The following CUL2 variants were observed in gnomAD, a reference collection of about 807,000 sequenced individuals.
The protein encoded by CUL2 is cullin-2.
In CUL2, 22 loss-of-function variants were observed where a neutral mutation model predicts 110.2. The ratio of observed to expected loss-of-function variants is 0.20; its 90% CI spans 0.14 to 0.28. The LOEUF (loss-of-function observed/expected upper bound fraction) is 0.28, where lower values mean the gene tolerates loss of function less well. Ranked by LOEUF, CUL2 falls within the 10% of genes least tolerant of loss-of-function variation. CUL2 has a pLI of 1.00. For synonymous variants in CUL2, 279 were observed against 293.2 expected (o/e 0.95, Z 0.49); for missense variants, 631 against 905.5 (o/e 0.70, Z 3.89).
intron 14 of CUL2, among the ~76,000 whole-genome samples, chr10:35,029,900 T>C (rs1039478078): frequency 6.6e-6 from 1 of 152,222 alleles, no homozygotes; most frequent in African/African-American, 2.4e-5. Flanking sequence ...AAACAAAAAC[T>C]TTTTTATACA....
chr10:35,092,803 G>C (rs1447203150), upstream of CUL2, among the ~76,000 whole-genome samples: 2 of 152,136 alleles, frequency 1.3e-5, no homozygotes, highest in Non-Finnish European at 2.9e-5. Context: ...CTTGCTTAGG[G>C]ATGAAAAACC....
At chr10:35,107,655 G>A (rs1400305378) in intron 1 of CUL2, among the ~76,000 whole-genome samples, 1 of 151,794 alleles carries the variant, frequency 6.6e-6, no homozygotes, top group African/African-American at 2.4e-5. Flanking sequence ...GGCCGAGGCG[G>A]GTGAATCACG....
chr10:35,122,110 T>C (rs1264390236), intron 1 of CUL2, among the ~76,000 whole-genome samples: 1 of 152,210 alleles, frequency 6.6e-6, no homozygotes, highest in Non-Finnish European at 1.5e-5. Flanking sequence ...CAAGCACATA[T>C]TATACTTACT....
intron 1 of CUL2, among the ~76,000 whole-genome samples, chr10:35,083,011 A>G (rs2086978338): frequency 6.6e-6 from 1 of 151,956 alleles, no homozygotes; most frequent in Non-Finnish European, 1.5e-5. Flanking sequence ...TACAAAAATT[A>G]GTCGGTGTGG....
chr10:35,111,659 G>A (rs941142210), intron 1 of CUL2, among the ~76,000 whole-genome samples: 1 of 152,134 alleles, frequency 6.6e-6, no homozygotes, highest in African/African-American at 2.4e-5. Flanking sequence ...ATGCCGAGAC[G>A]GGTGGATCAC....
Position 35,060,935 on chromosome 10 carries a change from T to C in CUL2, c.256A>G (p.Met86Val). The change falls in exon 4 of 21, where the codon ATG becomes GTG. Residue 86 changes from methionine (M) to valine (V), a missense_variant. Around this residue, in one of 3 missense-constraint regions of CUL2, gnomAD observed 338 missense variants for 442.5 expected, o/e 0.76. Coordinates refer to ENST00000374749, the MANE Select transcript of CUL2 (RefSeq NM_003591.4). ...VLESEEQVLVMYHRYWEEYSK... is the reference protein window; with the variant it reads ...VLESEEQVLVVYHRYWEEYSK... ...TATTCTTCCCAGTACCTATGATACA[T>C]AACAAGTACTTGTTCTTCTGACTCC... 1.9e-6 allele frequency: 3 copies of C among 1,613,890 alleles called. No individual in the cohort carries two copies. The East Asian group carries it at 6.7e-5, about 36-fold the overall frequency.
At chr10:35,097,219 T>A (rs1483766171) in intron 2 of CUL2, among the ~76,000 whole-genome samples, 1 of 152,092 alleles carries the variant, frequency 6.6e-6, no homozygotes, top group Non-Finnish European at 1.5e-5. Context: ...GCCACCCCCT[T>A]GATTTAAGAA....
intron 1 of CUL2, among the ~76,000 whole-genome samples, chr10:35,084,902 G>A (rs1300385597): frequency 6.6e-6 from 1 of 151,790 alleles, no homozygotes; most frequent in Non-Finnish European, 1.5e-5. Flanking sequence ...AGTGAATCAT[G>A]AGGTCAGGAG....
chr10:35,115,637 T>G (rs574290370), intron 1 of CUL2, among the ~76,000 whole-genome samples: 4 of 152,290 alleles, frequency 2.6e-5, no homozygotes, highest in Admixed American at 6.5e-5. Context: ...CTCACACCTG[T>G]AAACTCAGCA....
At chr10:35,108,417 A>G (rs1240058846) in intron 1 of CUL2, among the ~76,000 whole-genome samples, 3 of 151,458 alleles carry the variant, frequency 2.0e-5, no homozygotes, top group African/African-American at 7.3e-5. Context: ...AGATCACACC[A>G]CTATACTCTA....
At position 35,008,927 on chromosome 10, in the gene CUL2, G is replaced by A. The variant is rs1407572999; in HGVS notation, c.*1384C>T. 1.3e-5 allele frequency: 2 copies of A among 151,822 alleles called. No homozygotes were observed. Among genetic ancestry groups the A allele is most frequent in the Admixed American group, 6.6e-5 (1 of 15,212 alleles). The allele number at this position is 151,822 out of a possible 1,614,324, so 9.4% of individuals were successfully genotyped here. On this transcript the variant is annotated 3_prime_UTR_variant, in exon 21 of 21. Coordinates refer to ENST00000374749, the MANE Select transcript of CUL2 (RefSeq NM_003591.4). The stretch of plus-strand genomic sequence containing the variant: ...TGTGTGATTTGCTTTAAAATATTCC[G>A]ATTTTAAAAATTTTGTGTTGGATGG...
At chr10:35,111,404 A>G (rs1347254992) in intron 1 of CUL2, among the ~76,000 whole-genome samples, 2 of 151,870 alleles carry the variant, frequency 1.3e-5, no homozygotes, top group African/African-American at 4.8e-5. Flanking sequence ...GGTGTGCACC[A>G]CCACGCCTAA....
chr10:35,073,887 T>G (rs1479176800), intron 1 of CUL2, among the ~76,000 whole-genome samples: 1 of 152,204 alleles, frequency 6.6e-6, no homozygotes. Flanking sequence ...GTTACAGGCA[T>G]GGGCCACTGC....
chr10:35,104,413 T>C (rs970238034), intron 1 of CUL2, among the ~76,000 whole-genome samples: 1 of 152,172 alleles, frequency 6.6e-6, no homozygotes, highest in Non-Finnish European at 1.5e-5. Context: ...GCCATTGCAC[T>C]GTAGCCTGGG....
intron 1 of CUL2, among the ~76,000 whole-genome samples, chr10:35,112,932 G>T (rs183511859): frequency 6.6e-6 from 1 of 151,524 alleles, no homozygotes. Context: ...GGTGGCTCAC[G>T]TCTGTAATCC....
intron 8 of CUL2, among the ~76,000 whole-genome samples, 179 bp downstream of exon 8, chr10:35,044,387 G>A (rs552816973): frequency 3.9e-5 from 6 of 152,170 alleles, no homozygotes; most frequent in African/African-American, 1.2e-4. Flanking sequence ...ATTGTAAAGA[G>A]CAATGACTTA....
At chr10:35,064,125 GAC>G (rs1018337143) in intron 2 of CUL2, 16 of 152,248 alleles carry the variant, frequency 1.1e-4, no homozygotes, top group Admixed American at 9.8e-4. Context: ...ATCTTTCCCT[GAC>G]ATCTCCACAG....
intron 6 of CUL2, among the ~76,000 whole-genome samples, chr10:35,045,325 G>A (rs182948140): frequency 8.5e-5 from 13 of 152,170 alleles, no homozygotes; most frequent in Non-Finnish European, 1.5e-4. Flanking sequence ...ACCGTGGCTC[G>A]TGCCTGTAAT....
chr10:35,035,832 T>C (rs1467975090), intron 9 of CUL2, among the ~76,000 whole-genome samples: 1 of 152,240 alleles, frequency 6.6e-6, no homozygotes, highest in Non-Finnish European at 1.5e-5. Flanking sequence ...AGACAGATCC[T>C]TCTAACCACA....
Sources: allele counts gnomAD v4.1 joint callset (sites outside exome capture counted in the v4.1 genomes callset), GRCh38; gene constraint gnomAD v4.1.1; regional missense constraint gnomAD v4.1.1; transcripts MANE v1.5; gene names NCBI Gene and HGNC (gene_info 2026-07-23, HGNC 2026-07-21).